FAT1: variants seen among roughly 807,000 people sequenced by gnomAD.
FAT1 encodes the protein protocadherin Fat 1.
FAT1 carries 171 observed loss-of-function variants against 329.8 expected under a neutral mutation model. The observed-to-expected ratio is 0.52, with a 90% CI of 0.46 to 0.59. The LOEUF (loss-of-function observed/expected upper bound fraction) is 0.59, where lower values mean the gene tolerates loss of function less well. Among genes scored for constraint, FAT1 ranks in the 20% least tolerant of loss-of-function variants. The pLI is 0.00. For missense variants in FAT1, 5,672 were observed against 5,774.4 expected (o/e 0.98, Z 0.57); for synonymous variants, 2,233 against 2,228.6 (o/e 1.00, Z -0.06).
chr4:186,616,432 C>T (rs1405752460), intron 11 of FAT1, among the ~76,000 whole-genome samples: 2 of 152,064 alleles, frequency 1.3e-5, no homozygotes, highest in Admixed American at 6.5e-5. Flanking sequence ...TACTGCCCCC[C>T]GAAGCTGAGC....
rs2126511891 is a variant in FAT1 at position 186,620,052 on chromosome 4, G to A, written c.6534C>T (p.Ala2178=). The A allele has an allele frequency of 2.5e-6, 4 of 1,614,022 alleles. No homozygotes were observed. The highest frequency in any genetic ancestry group is 3.4e-6 in the Non-Finnish European group (4 of 1,179,898). ...VIVPITVMNK[A]MPVFEKPFYS... ...AGAAAGGTTTTTCAAACACAGGCAT[G>A]GCTTTATTCATGACAGTGATCGGAA... Residue 2178 remains alanine, a synonymous_variant, in exon 10 of 27, where the codon GCC becomes GCT. Transcript: ENST00000441802.
Position 186,695,966 on chromosome 4 carries a change from T to G in FAT1, c.3265+10597A>C, listed in dbSNP as rs187966153. On this transcript the variant is annotated intron_variant, in intron 2 of 26. Coordinates refer to ENST00000441802, the MANE Select transcript of FAT1 (RefSeq NM_005245.4). ...GCCACTAGGCCCAGCTAATTTTGTA[T>G]TTTTAGTAGAGACAGGGTTTCACCA... Among the ~76,000 whole-genome samples, 139 of 152,262 alleles carry G rather than the reference T, an allele frequency of 9.1e-4. 1 individual carries two copies. The highest frequency in any genetic ancestry group is 3.3e-3 in the African/African-American group (136 of 41,560).
intron 14 of FAT1, 94 bp from the exon 15 acceptor site, chr4:186,610,109 G>A: frequency 2.8e-6 from 2 of 711,170 alleles, no homozygotes; most frequent in South Asian, 3.8e-5. Context: ...AGTACATTTA[G>A]TTTTCACTTC....
chr4:186,613,221 A>G lies in FAT1; in HGVS notation c.9351T>C (p.Asp3117=), dbSNP rs2249917. 729,382 of 1,612,532 alleles carry G rather than the reference A, an allele frequency of 0.45. 166,599 individuals are homozygous for G. Among genetic ancestry groups the G allele is most frequent in the African/African-American group, 0.54 (40,066 of 74,800 alleles). The change falls in exon 13 of 27, where the codon GAT becomes GAC. Residue 3117 remains aspartate (D), a synonymous_variant. Coordinates refer to ENST00000441802, the MANE Select transcript of FAT1 (RefSeq NM_005245.4). ...AGAATTCGGGGGCGTTATCGTTCACATCTTCTAGCGTGAGCACAATACTGG... is the reference window on the plus strand; with the variant it reads ...AGAATTCGGGGGCGTTATCGTTCACGTCTTCTAGCGTGAGCACAATACTGG... ...CQASIVLTLE[D]VNDNAPEFSA...
chr4:186,614,717 G>C (rs72716261), intron 11 of FAT1, among the ~76,000 whole-genome samples: 1 of 152,302 alleles, frequency 6.6e-6, no homozygotes, highest in Non-Finnish European at 1.5e-5. Context: ...ATAAATATCT[G>C]TCGTATCATA....
At chr4:186,609,065 G>A (rs1371951176) in intron 16 of FAT1, 118 bp downstream of exon 16, 18 of 1,064,990 alleles carry the variant, frequency 1.7e-5, no homozygotes, top group South Asian at 5.0e-5. Context: ...ACATGTTGCC[G>A]TCAGTTCTTG....
chr4:186,714,001 T>C (rs1220152382), intron 1 of FAT1, among the ~76,000 whole-genome samples: 2 of 152,198 alleles, frequency 1.3e-5, no homozygotes. Flanking sequence ...TCTTTTTTTT[T>C]CTCAAGATCC....
chr4:186,721,720 C>T (rs944766095), intron 1 of FAT1, among the ~76,000 whole-genome samples: 1 of 152,212 alleles, frequency 6.6e-6, no homozygotes, highest in Admixed American at 6.5e-5. Context: ...AGATCCTATC[C>T]ACCTCTAACA....
intron 3 of FAT1, among the ~76,000 whole-genome samples, chr4:186,644,084 T>TA (rs1741238602): frequency 6.6e-6 from 1 of 152,218 alleles, no homozygotes; most frequent in African/African-American, 2.4e-5. Context: ...AGGCCACTAG[T>TA]AAGTCATTAA....
rs201796261 is a variant in FAT1 at position 186,601,392 on chromosome 4, G to A, written c.11517C>T (p.Tyr3839=). 41 of 1,613,060 alleles carry A rather than the reference G, an allele frequency of 2.5e-5. No homozygotes were observed. Among genetic ancestry groups the A allele is most frequent in the Middle Eastern group, 1.7e-4 (1 of 6,056 alleles). The change falls in exon 21 of 27, where the codon TAC becomes TAT. Residue 3839 remains tyrosine (Y), a synonymous_variant. Coordinates refer to ENST00000441802, the MANE Select transcript of FAT1 (RefSeq NM_005245.4). ...CATTTTCCGTCAGACGGTATTTCAC[G>A]TAGCTGTTTCCAGTCAGTGTCATAG... The part of the protein sequence containing the change: ...SSSMTLTGNS[Y]VKYRLTENEN...
chr4:186,597,621 C>G (rs1560919284), intron 24 of FAT1, 61 bp downstream of exon 24: 1 of 1,180,400 alleles, frequency 8.5e-7, no homozygotes, highest in Non-Finnish European at 1.3e-6. Context: ...TCTGTTGCAT[C>G]TGCCAGTCAA....
chr4:186,700,803 G>T (rs1744271476), intron 2 of FAT1, among the ~76,000 whole-genome samples: 1 of 152,160 alleles, frequency 6.6e-6, no homozygotes, highest in South Asian at 2.1e-4. Flanking sequence ...AAATGGACTG[G>T]CACACACAGA....
At chr4:186,666,591 A>G (rs796221328) in intron 2 of FAT1, among the ~76,000 whole-genome samples, 97 of 152,340 alleles carry the variant, frequency 6.4e-4, no homozygotes, top group African/African-American at 2.3e-3. Context: ...TGGTGCTTTT[A>G]TCTACCTCTT....
chr4:186,621,440 A>C lies in FAT1; in HGVS notation c.5146T>G (p.Ser1716Ala). 2.5e-6 allele frequency: 4 copies of C among 1,614,046 alleles called. No homozygotes were observed. The highest frequency in any genetic ancestry group is 3.4e-6 in the Non-Finnish European group (4 of 1,179,904). The stretch of plus-strand genomic sequence containing the variant: ...GCTTTCTGAGTGATGATAGTTCCAG[A>C]ATGTGGATTAATATCAAAAGCATCA... ...TGDAFDINPH[S>A]GTIITQKALD... is the part of the protein sequence containing the mutation. Residue 1716 changes from serine (S) to alanine (A), a missense_variant, in exon 10 of 27, where the codon TCT (serine) becomes GCT (alanine). Physicochemically the swap from Ser to Ala is moderately conservative, Grantham distance 99. This residue lies in a region of FAT1 where 3,966 missense variants were observed against 3,915.2 expected (regional missense o/e 1.01). Coordinates refer to ENST00000441802, the MANE Select transcript of FAT1 (RefSeq NM_005245.4).
chr4:186,597,368 G>T (rs768801906), intron 24 of FAT1, 197 bp from the exon 25 acceptor site: 2 of 614,742 alleles, frequency 3.3e-6, no homozygotes, highest in South Asian at 4.6e-5. Context: ...TCATGTGATC[G>T]CATGCTTTTG....
chr4:186,649,344 G>A (rs76798642), intron 3 of FAT1, among the ~76,000 whole-genome samples: 21 of 152,218 alleles, frequency 1.4e-4, no homozygotes, highest in African/African-American at 3.4e-4. Flanking sequence ...CATATTTTCC[G>A]TCTTCTTGGA....
At chr4:186,694,278 T>C (rs1470764633) in intron 2 of FAT1, among the ~76,000 whole-genome samples, 1 of 152,250 alleles carries the variant, frequency 6.6e-6, no homozygotes, top group Non-Finnish European at 1.5e-5. Context: ...CAACTTGCTA[T>C]GAACAGATTT....
intron 16 of FAT1, among the ~76,000 whole-genome samples, chr4:186,607,245 A>C (rs1475485832): frequency 6.6e-6 from 1 of 152,010 alleles, no homozygotes; most frequent in African/African-American, 2.4e-5. Context: ...TCCCAAATCG[A>C]AGGCTTCTTT....
chr4:186,625,409 G>T (rs1456585849), intron 9 of FAT1, among the ~76,000 whole-genome samples: 1 of 151,980 alleles, frequency 6.6e-6, no homozygotes, highest in Non-Finnish European at 1.5e-5. Context: ...TGTTTTAAGG[G>T]AAACAAATGA....
Sources: gnomAD v4.1 joint callset for allele counts (sites outside exome capture counted in the v4.1 genomes callset) on GRCh38, gnomAD v4.1.1 for gene constraint, gnomAD v4.1.1 regional missense constraint, MANE v1.5 for transcripts, NCBI Gene and HGNC (gene_info 2026-07-23, HGNC 2026-07-21) for gene names.